DLG5: variants seen among roughly 807,000 people sequenced by gnomAD.
DLG5 encodes discs large MAGUK scaffold protein 5.
Under a neutral mutation model 189.8 loss-of-function variants are expected in DLG5, and 48 were observed. The ratio of observed to expected loss-of-function variants is 0.25; its 90% CI spans 0.20 to 0.32. The LOEUF is 0.32. DLG5 is among the 10% of genes least tolerant of loss of function. The probability of loss-of-function intolerance (pLI) is 1.00; values close to 1 mark genes in which losing one functional copy is unlikely to be tolerated. For missense variants in DLG5, 2,160 were observed against 2,544.7 expected (o/e 0.85, Z 3.25); for synonymous variants, 1,016 against 1,054.1 (o/e 0.96, Z 0.70).
At chr10:77,940,398 C>T in the DLG5 span, among the ~76,000 whole-genome samples, 1 of 152,204 alleles carries the variant, frequency 6.6e-6, no homozygotes, top group African/African-American at 2.4e-5. Flanking sequence ...TATTTCTATA[C>T]CTCCTAGTTG....
At chr10:77,915,305 C>T (rs1321736360) in intron 1 of DLG5, among the ~76,000 whole-genome samples, 4 of 147,360 alleles carry the variant, frequency 2.7e-5, no homozygotes, top group Non-Finnish European at 4.4e-5. Flanking sequence ...CCAGCCTGAG[C>T]GACAGAGTGA....
At chr10:77,808,294 G>T (rs1477036605) in intron 24 of DLG5, among the ~76,000 whole-genome samples, 1 of 152,076 alleles carries the variant, frequency 6.6e-6, no homozygotes, top group Admixed American at 6.6e-5. Context: ...CTGAAACAGG[G>T]TCTCCCTCTG....
In DLG5 at chr10:77,817,893, C is replaced by T. The variant is rs755517020; in HGVS notation, c.3672-4G>A. The T allele has an allele frequency of 1.4e-5, 21 of 1,550,538 alleles. No individual in the cohort carries two copies. Among genetic ancestry groups the T allele is most frequent in the African/African-American group, 6.8e-5 (5 of 73,066 alleles). On this transcript the variant is annotated splice_polypyrimidine_tract_variant and splice_region_variant and intron_variant, in intron 17 of 31. Coordinates refer to ENST00000372391, the MANE Select transcript of DLG5 (RefSeq NM_004747.4). Reference sequence around the variant, plus strand: ...CAGGCGTCCCTGGTGCTGGACACTGCGTAAAAACAAGAGGTGAGGAGTTCG... The same window carrying T: ...CAGGCGTCCCTGGTGCTGGACACTGTGTAAAAACAAGAGGTGAGGAGTTCG...
chr10:77,900,576 G>A (rs1181789314), intron 1 of DLG5, among the ~76,000 whole-genome samples: 3 of 151,944 alleles, frequency 2.0e-5, no homozygotes, highest in Non-Finnish European at 4.4e-5. Flanking sequence ...AAGGCGGGTG[G>A]ATCACTTGAG....
At chr10:77,907,557 C>A (rs1846102407) in intron 1 of DLG5, among the ~76,000 whole-genome samples, 1 of 152,170 alleles carries the variant, frequency 6.6e-6, no homozygotes, top group Non-Finnish European at 1.5e-5. Flanking sequence ...CCAGCCTGGG[C>A]AACAGAGTTA....
At chr10:77,831,121 C>A (rs1449980664) in intron 9 of DLG5, among the ~76,000 whole-genome samples, 1 of 152,238 alleles carries the variant, frequency 6.6e-6, no homozygotes, top group Middle Eastern at 3.4e-3. Flanking sequence ...AATCAAAATG[C>A]CAGCTGGGCA....
chr10:77,930,029 C>T (rs1044494470), upstream of DLG5, among the ~76,000 whole-genome samples: 1 of 152,188 alleles, frequency 6.6e-6, no homozygotes, highest in Non-Finnish European at 1.5e-5. Flanking sequence ...TTCTTCTGGT[C>T]TTAGAAAAAG....
Position 77,822,087 on chromosome 10 carries a change from G to A in DLG5, c.2397C>T (p.Ser799=). 2 of 1,612,762 alleles carry A rather than the reference G, an allele frequency of 1.2e-6. No homozygotes were observed. Among genetic ancestry groups the A allele is most frequent in the East Asian group, 2.2e-5 (1 of 44,872 alleles). ...TLSLLKVFPQ[S]SSWSGQNIFE... is the part of the protein sequence containing the mutation. ...AAATGTTCTGGCCACTCCACGAGGA[G>A]CTCTGAGGGAATACCTAGGCAGGGA... Residue 799 remains serine, a synonymous_variant, in exon 15 of 32, where the codon AGC becomes AGT. Coordinates refer to ENST00000372391, the MANE Select transcript of DLG5 (RefSeq NM_004747.4).
chr10:77,800,268 C>G (rs1232387925), intron 27 of DLG5, among the ~76,000 whole-genome samples: 1 of 152,188 alleles, frequency 6.6e-6, no homozygotes, highest in African/African-American at 2.4e-5. Flanking sequence ...CCTAGAAAAT[C>G]TGGGTAAAAA....
At chr10:77,934,674 C>A in the DLG5 span, among the ~76,000 whole-genome samples, 2 of 152,136 alleles carry the variant, frequency 1.3e-5, no homozygotes, top group Admixed American at 1.3e-4. Flanking sequence ...GAACTGGATT[C>A]TGGCAACAAC....
intron 29 of DLG5, among the ~76,000 whole-genome samples, 174 bp downstream of exon 29, chr10:77,795,887 C>A (rs1033467769): frequency 1.3e-5 from 2 of 152,178 alleles, no homozygotes; most frequent in Non-Finnish European, 2.9e-5. Context: ...CTTGCAGAAA[C>A]ACACAGCAGC....
At chr10:77,825,512 T>A (rs183968233) in intron 13 of DLG5, among the ~76,000 whole-genome samples, 1 of 152,116 alleles carries the variant, frequency 6.6e-6, no homozygotes, top group African/African-American at 2.4e-5. Context: ...CCCCCTGTAC[T>A]ATCTCTGCAG....
In DLG5 at chr10:77,919,507, A is replaced by C. The variant is rs541429305; in HGVS notation, c.304+6710T>G. Among the ~76,000 whole-genome samples the C allele has an allele frequency of 2.7e-3, 407 of 151,092 alleles. 3 individuals are homozygous for C. The highest frequency in any genetic ancestry group is 9.4e-3 in the African/African-American group (388 of 41,296). ...TGACTGTTGAACTGGGGGAAAAAAA[A>C]AAAACAAGCACCAGGAAGCTAAAAG... On this transcript the variant is annotated intron_variant, in intron 1 of 31. Coordinates refer to ENST00000372391, the MANE Select transcript of DLG5 (RefSeq NM_004747.4).
intron 11 of DLG5, among the ~76,000 whole-genome samples, chr10:77,829,743 T>C (rs1456870106): frequency 1.3e-5 from 2 of 152,236 alleles, no homozygotes; most frequent in Non-Finnish European, 2.9e-5. Context: ...CACTTACTAG[T>C]TGTATGACCT....
chr10:77,910,656 G>C (rs143517163), intron 1 of DLG5, among the ~76,000 whole-genome samples: 1 of 152,276 alleles, frequency 6.6e-6, no homozygotes, highest in Non-Finnish European at 1.5e-5. Context: ...TCCAGCCATG[G>C]CATTCAACAA....
At chr10:77,924,037 G>T (rs1480600184) in intron 1 of DLG5, among the ~76,000 whole-genome samples, 2 of 151,914 alleles carry the variant, frequency 1.3e-5, no homozygotes, top group Non-Finnish European at 2.9e-5. Context: ...GTTAATTTTT[G>T]TATTTTTATT....
In DLG5 at chr10:77,903,194, G is replaced by A. The variant is rs546423449; in HGVS notation, c.304+23023C>T. ...TGTAATCCCAGCACTTTGGGAGGCC[G>A]AGGCAGGCGGATTGCTTGAGGTCAG... is the stretch of plus-strand genomic sequence containing the variant. On this transcript the variant is annotated intron_variant, in intron 1 of 31. Coordinates refer to ENST00000372391, the MANE Select transcript of DLG5 (RefSeq NM_004747.4). 3.9e-5 allele frequency among the ~76,000 whole-genome samples: 6 copies of A among 152,314 alleles called. No individual in the cohort carries two copies. The East Asian group carries it at 5.8e-4, about 15-fold the overall frequency.
chr10:77,915,058 G>A (rs1413065044), intron 1 of DLG5, among the ~76,000 whole-genome samples: 3 of 152,244 alleles, frequency 2.0e-5, no homozygotes, highest in Non-Finnish European at 4.4e-5. Context: ...GCTGGGCACG[G>A]TGGCTTGCAC....
intron 13 of DLG5, among the ~76,000 whole-genome samples, chr10:77,827,377 C>G (rs1428644591): frequency 6.6e-6 from 1 of 152,138 alleles, no homozygotes; most frequent in Non-Finnish European, 1.5e-5. Flanking sequence ...AGGCACCCAC[C>G]ACCAAGCCCG....
Sources: gnomAD v4.1 joint callset for allele counts (sites outside exome capture counted in the v4.1 genomes callset) on GRCh38, gnomAD v4.1.1 for gene constraint, MANE v1.5 for transcripts, NCBI Gene and HGNC (gene_info 2026-07-23, HGNC 2026-07-21) for gene names.